CHRM3: variants seen among roughly 807,000 people sequenced by gnomAD.
The protein encoded by CHRM3 is muscarinic acetylcholine receptor M3.
CHRM3 carries 11 observed loss-of-function variants against 41.8 expected under a neutral mutation model. The observed-to-expected ratio is 0.26, with a 90% confidence interval of 0.17 to 0.44. CHRM3 has a LOEUF of 0.44. Among genes scored for constraint, CHRM3 ranks in the 20% least tolerant of loss-of-function variants. The pLI is 1.00. For missense variants in CHRM3, 571 were observed against 745.4 expected, an observed-to-expected ratio of 0.77 and a Z score of 2.72; for synonymous variants, 297 against 301.4, an observed-to-expected ratio of 0.99 and a Z score of 0.15.
intron 3 of CHRM3, among the ~76,000 whole-genome samples, chr1:239,574,210 G>A (rs1256542900): frequency 3.3e-5 from 5 of 152,168 alleles, no homozygotes; most frequent in Admixed American, 6.5e-5. Flanking sequence ...CAGCCAGAGA[G>A]TGATACCCCT....
intron 6 of CHRM3, among the ~76,000 whole-genome samples, chr1:239,889,149 C>A (rs12131198): frequency 0.25 from 38,369 of 151,994 alleles, 5,311 homozygotes; most frequent in South Asian, 0.35. Flanking sequence ...AATGGATCAC[C>A]GGATCCACAG....
At chr1:239,400,165 T>C (rs1001508834) in intron 1 of CHRM3, among the ~76,000 whole-genome samples, 2 of 152,250 alleles carry the variant, frequency 1.3e-5, no homozygotes, top group Non-Finnish European at 2.9e-5. Context: ...CACCTCGGCC[T>C]TCCAAAGTGT....
rs1040814735 is a variant in CHRM3 at position 239,914,177 on chromosome 1, T to C, written c.*4953T>C. The stretch of plus-strand genomic sequence containing the variant: ...TATTGTTCTTTCTTGGAGTCCAAAA[T>C]GCTTAGCAGTTCTGCAGTTCACATA... On this transcript the variant is annotated 3_prime_UTR_variant, in exon 7 of 7. Coordinates refer to ENST00000676153, the MANE Select transcript of CHRM3 (RefSeq NM_001375978.1). 1 of 167,104 alleles carries C rather than the reference T, an allele frequency of 6.0e-6. No individual in the cohort carries two copies. Among genetic ancestry groups the C allele is most frequent in the Non-Finnish European group, 1.5e-5 (1 of 68,114 alleles). The allele number at this position is 167,104 out of a possible 1,614,324, so 10.4% of individuals were successfully genotyped here.
chr1:239,533,096 A>G (rs1390096761), intron 2 of CHRM3, among the ~76,000 whole-genome samples: 1 of 151,984 alleles, frequency 6.6e-6, no homozygotes, highest in Non-Finnish European at 1.5e-5. Flanking sequence ...TTTTTTTTAG[A>G]ACAGAAAAAC....
chr1:239,618,558 A>G (rs372517797), intron 3 of CHRM3, among the ~76,000 whole-genome samples: 5 of 151,870 alleles, frequency 3.3e-5, no homozygotes, highest in African/African-American at 1.2e-4. Context: ...AAAGATAGTC[A>G]AGATGGCCGG....
At chr1:239,779,630 G>T (rs368524597) in intron 5 of CHRM3, among the ~76,000 whole-genome samples, 6 of 152,198 alleles carry the variant, frequency 3.9e-5, no homozygotes, top group African/African-American at 9.6e-5. Context: ...AGCTACTTGG[G>T]TGGCTGAGCC....
intron 1 of CHRM3, among the ~76,000 whole-genome samples, chr1:239,435,514 A>G (rs368926871): frequency 2.0e-5 from 3 of 151,870 alleles, no homozygotes; most frequent in African/African-American, 7.3e-5. Context: ...GGGGATTTGT[A>G]CTTGATGAAA....
chr1:239,805,970 A>G (rs995531423), intron 5 of CHRM3, among the ~76,000 whole-genome samples: 2 of 152,132 alleles, frequency 1.3e-5, no homozygotes, highest in East Asian at 3.9e-4. Flanking sequence ...AACGAAACAA[A>G]ACAAAACAGG....
At chr1:239,542,469 A>G (rs1658874837) in intron 2 of CHRM3, among the ~76,000 whole-genome samples, 1 of 152,182 alleles carries the variant, frequency 6.6e-6, no homozygotes, top group African/African-American at 2.4e-5. Flanking sequence ...TAGTATTAGA[A>G]GAGGATGGAG....
chr1:239,579,881 G>A (rs1278535197), intron 3 of CHRM3, among the ~76,000 whole-genome samples: 2 of 152,016 alleles, frequency 1.3e-5, no homozygotes, highest in Admixed American at 1.3e-4. Context: ...AAGTATAATT[G>A]TCACCATTTT....
intron 6 of CHRM3, among the ~76,000 whole-genome samples, chr1:239,856,233 G>A (rs1675104845): frequency 1.3e-5 from 2 of 152,248 alleles, no homozygotes; most frequent in South Asian, 2.1e-4. Context: ...AGTATAGAAG[G>A]TGATAAGGTT....
chr1:239,431,580 G>A (rs1191274537), intron 1 of CHRM3, among the ~76,000 whole-genome samples: 1 of 152,130 alleles, frequency 6.6e-6, no homozygotes, highest in Non-Finnish European at 1.5e-5. Context: ...TTTAATTTAA[G>A]TTCCCTGAGA....
At chr1:239,588,181 A>T (rs2148621242) in intron 3 of CHRM3, among the ~76,000 whole-genome samples, 1 of 152,314 alleles carries the variant, frequency 6.6e-6, no homozygotes, top group South Asian at 2.1e-4. Flanking sequence ...TGCTAGCTAG[A>T]ATACCAACCC....
rs576715246 is a variant in CHRM3 at position 239,491,469 on chromosome 1, T to G, written c.-520-1240T>G. On this transcript the variant is annotated intron_variant, in intron 1 of 6. Transcript: ENST00000676153. ...TTATGTCTCTGTGCTTGGCTTATTT[T>G]ACTTAACATAATCTTCTCCAAGCTC... Among the ~76,000 whole-genome samples the G allele has an allele frequency of 1.3e-4, 20 of 152,360 alleles. No individual in the cohort carries two copies. In the South Asian group the frequency reaches 2.5e-3, roughly 19 times the overall value.
At position 239,537,908 on chromosome 1, in the gene CHRM3, G is replaced by A. The variant is rs72756744; in HGVS notation, c.-421-7733G>A. Among the ~76,000 whole-genome samples the A allele has an allele frequency of 6.5e-3, 992 of 152,270 alleles. 6 individuals are homozygous for A. Among genetic ancestry groups the A allele is most frequent in the Middle Eastern group, 0.01 (3 of 294 alleles). ...TTTGGCTTTGAAACTCAGTCTATAT[G>A]AGCCTCAAGGTCTATGAAATATGGA... is the stretch of plus-strand genomic sequence containing the variant. On this transcript the variant is annotated intron_variant, in intron 2 of 6. Transcript: ENST00000676153.
chr1:239,459,052 C>T (rs143408407), intron 1 of CHRM3, among the ~76,000 whole-genome samples: 2 of 152,156 alleles, frequency 1.3e-5, no homozygotes, highest in Non-Finnish European at 2.9e-5. Flanking sequence ...CCACCATTAA[C>T]TGCTCTTCTC....
rs117918937 is a variant in CHRM3, at chr1:239,665,775, G to A, written c.-249-12411G>A. Among the ~76,000 whole-genome samples, 17 of 152,034 alleles carry A rather than the reference G, an allele frequency of 1.1e-4. No homozygotes were observed. In the East Asian group the frequency reaches 1.7e-3, roughly 16 times the overall value. On this transcript the variant is annotated intron_variant, in intron 4 of 6. Transcript: ENST00000676153. ...TATGAGTGGGAACTTGCGGTGTTTC[G>A]TTTTCTGTTCTGTTAGTTTGCTGAG... is the stretch of plus-strand genomic sequence containing the variant.
Position 239,755,100 on chromosome 1 carries a change from T to C in CHRM3, c.-146-72152T>C, listed in dbSNP as rs151075468. 1.5e-3 allele frequency among the ~76,000 whole-genome samples: 235 copies of C among 152,324 alleles called. 1 individual carries two copies. The highest frequency in any genetic ancestry group is 2.3e-3 in the Non-Finnish European group (157 of 68,026). On this transcript the variant is annotated intron_variant, in intron 5 of 6. Transcript: ENST00000676153. The stretch of plus-strand genomic sequence containing the variant: ...ATTCTAATGAGGTTTATCCTTTCTT[T>C]GTTCTCTTAAAACTGAATCCAAACC...
chr1:239,449,351 T>G (rs573776079), intron 1 of CHRM3, among the ~76,000 whole-genome samples: 1 of 152,190 alleles, frequency 6.6e-6, no homozygotes, highest in Non-Finnish European at 1.5e-5. Flanking sequence ...GGAAAGTGGG[T>G]TTTAGCTGAT....
Sources: allele counts gnomAD v4.1 joint callset (sites outside exome capture counted in the v4.1 genomes callset), GRCh38; gene constraint gnomAD v4.1.1; transcripts MANE v1.5; gene names NCBI Gene and HGNC (gene_info 2026-07-23, HGNC 2026-07-21).